The following CDH18 variants were observed in gnomAD, a reference collection of about 807,000 sequenced individuals.
CDH18 encodes the protein cadherin 18.
CDH18 carries 31 observed loss-of-function variants against 67.9 expected under a neutral mutation model. The observed-to-expected ratio is 0.46, with a 90% confidence interval of 0.34 to 0.62. The LOEUF (loss-of-function observed/expected upper bound fraction) is 0.62. Among genes scored for constraint, CDH18 ranks in the 20% least tolerant of loss-of-function variants. CDH18 has a pLI of 0.01. For synonymous variants in CDH18, 362 were observed against 347.2 expected (o/e 1.04, Z -0.48); for missense variants, 890 against 975.5 (o/e 0.91, Z 1.17).
rs184222800 is a variant in CDH18 at position 19,518,338 on chromosome 5, G to A, written c.1512+2319C>T. On this transcript the variant is annotated intron_variant, in intron 10 of 12. Coordinates refer to ENST00000382275, the MANE Select transcript of CDH18 (RefSeq NM_004934.5). ...GGCTATCATTGCATTTTTAGTTTCT[G>A]TGTAACAAAATGCTACCTAAATATG... Among the ~76,000 whole-genome samples, 14 of 152,248 alleles carry A rather than the reference G, an allele frequency of 9.2e-5. No individual in the cohort carries two copies. In the East Asian group the frequency reaches 2.5e-3, roughly 27 times the overall value.
intron 2 of CDH18, among the ~76,000 whole-genome samples, chr5:20,030,589 C>T (rs1031712135): frequency 2.0e-5 from 3 of 151,920 alleles, no homozygotes; most frequent in Admixed American, 1.3e-4. Context: ...AAGCAGAAAA[C>T]AAAAGAGAAA....
chr5:19,785,791 G>A (rs1356708126), intron 3 of CDH18, among the ~76,000 whole-genome samples: 1 of 132,834 alleles, frequency 7.5e-6, no homozygotes, highest in Non-Finnish European at 1.6e-5. Flanking sequence ...ATTAAATAAG[G>A]TGACATATAA....
intron 2 of CDH18, among the ~76,000 whole-genome samples, chr5:19,873,853 G>T (rs965759199): frequency 6.6e-6 from 1 of 151,940 alleles, no homozygotes; most frequent in Non-Finnish European, 1.5e-5. Flanking sequence ...TCACCATGTT[G>T]CCCAGGCAGG....
intron 3 of CDH18, among the ~76,000 whole-genome samples, chr5:19,808,101 G>T (rs1358933576): frequency 1.3e-5 from 2 of 151,984 alleles, no homozygotes. Context: ...GACTAAGTTA[G>T]TATACTATTA....
intron 1 of CDH18, among the ~76,000 whole-genome samples, chr5:20,548,112 T>C (rs1490254218): frequency 3.3e-5 from 5 of 151,266 alleles, no homozygotes; most frequent in African/African-American, 1.2e-4. Flanking sequence ...TTAAATTAGG[T>C]CACCAACTAA....
intron 3 of CDH18, among the ~76,000 whole-genome samples, chr5:19,767,573 A>G (rs555296856): frequency 6.6e-6 from 1 of 152,248 alleles, no homozygotes; most frequent in Non-Finnish European, 1.5e-5. Context: ...GAGAAATTAA[A>G]ACAGAATAAT....
chr5:20,363,625 T>C (rs1454220209), intron 1 of CDH18, among the ~76,000 whole-genome samples: 1 of 152,052 alleles, frequency 6.6e-6, no homozygotes, highest in Non-Finnish European at 1.5e-5. Context: ...TACAGTGGCA[T>C]CAGAACACTG....
In CDH18 at chr5:19,473,479, A is replaced by G; in HGVS notation, c.2120T>C (p.Leu707Pro). 1 of 1,613,766 alleles carries G rather than the reference A, an allele frequency of 6.2e-7. No individual in the cohort carries two copies. The highest frequency in any genetic ancestry group is 8.5e-7 in the Non-Finnish European group (1 of 1,179,858). ...AAATTCCTGAACATCTATGCTTTCC[A>G]GGGTGGATGATGTCTGGTGTCTGGG... is the stretch of plus-strand genomic sequence containing the variant. ...LTPRHQTSST[L>P]ESIDVQEFIK... The change falls in exon 13 of 13, where the codon CTG becomes CCG. Residue 707 changes from leucine (L) to proline (P), a missense_variant. By Grantham distance (98) the Leu-to-Pro change is moderately conservative. Coordinates refer to ENST00000382275, the MANE Select transcript of CDH18 (RefSeq NM_004934.5).
At chr5:20,193,375 G>T (rs890089116) in intron 2 of CDH18, among the ~76,000 whole-genome samples, 3 of 151,968 alleles carry the variant, frequency 2.0e-5, no homozygotes, top group Non-Finnish European at 4.4e-5. Flanking sequence ...ACCCCATCCA[G>T]ACTAAACCAG....
At chr5:19,703,727 C>T (rs113406875) in intron 5 of CDH18, among the ~76,000 whole-genome samples, 1 of 151,746 alleles carries the variant, frequency 6.6e-6, no homozygotes, top group African/African-American at 2.4e-5. Context: ...CCCTGCCCCC[C>T]CTGCCCCCCG....
At chr5:19,567,394 A>G (rs62349534) in intron 8 of CDH18, among the ~76,000 whole-genome samples, 11,307 of 152,194 alleles carry the variant, frequency 0.074, 462 homozygotes, top group African/African-American at 0.091. Flanking sequence ...CGAAGTCAGG[A>G]AGCTTTTCAC....
intron 1 of CDH18, chr5:20,255,572 A>G (rs1744169635): frequency 6.6e-6 from 1 of 152,096 alleles, no homozygotes; most frequent in South Asian, 2.1e-4. Context: ...TAATTAAAAC[A>G]TATTTATTAT....
chr5:19,596,831 A>C (rs1044082505), intron 6 of CDH18, among the ~76,000 whole-genome samples: 2 of 152,212 alleles, frequency 1.3e-5, no homozygotes, highest in African/African-American at 4.8e-5. Flanking sequence ...GAGTGCATTA[A>C]GATTAATATT....
At position 19,531,020 on chromosome 5, in the gene CDH18, G is replaced by A. The variant is rs111361967; in HGVS notation, c.1391-10242C>T. Among the ~76,000 whole-genome samples the A allele has an allele frequency of 5.5e-3, 836 of 152,258 alleles. 11 individuals carry two copies. Among genetic ancestry groups the A allele is most frequent in the African/African-American group, 0.019 (795 of 41,564 alleles). On this transcript the variant is annotated intron_variant, in intron 9 of 12. Transcript: ENST00000382275. ...TGAACCCGGTACCTCAGATGGAAAT[G>A]CAGAAATCACCTGTCTTCTGCATCG...
chr5:20,072,254 C>T (rs964423715), intron 2 of CDH18, among the ~76,000 whole-genome samples: 1 of 152,046 alleles, frequency 6.6e-6, no homozygotes, highest in African/African-American at 2.4e-5. Flanking sequence ...GAAACCTTCT[C>T]TGCCACATTA....
intron 1 of CDH18, among the ~76,000 whole-genome samples, chr5:20,470,131 G>T (rs1362756964): frequency 1.3e-5 from 2 of 152,012 alleles, no homozygotes; most frequent in African/African-American, 4.8e-5. Context: ...CATGCCACTG[G>T]GAAGTGCATG....
At chr5:19,777,969 C>A (rs1774591675) in intron 3 of CDH18, among the ~76,000 whole-genome samples, 1 of 151,992 alleles carries the variant, frequency 6.6e-6, no homozygotes, top group South Asian at 2.1e-4. Context: ...TAGCTTTATG[C>A]TAATAAATTC....
intron 2 of CDH18, among the ~76,000 whole-genome samples, chr5:20,217,037 C>T (rs1740836188): frequency 6.6e-6 from 1 of 151,544 alleles, no homozygotes; most frequent in Non-Finnish European, 1.5e-5. Flanking sequence ...ATAGTATATC[C>T]AGAGAAAACA....
At chr5:20,159,264 T>C (rs2126604573) in intron 2 of CDH18, among the ~76,000 whole-genome samples, 1 of 151,854 alleles carries the variant, frequency 6.6e-6, no homozygotes. Context: ...AAGTCGGGAG[T>C]TTGGAGGATG....
Sources: gnomAD v4.1 joint callset for allele counts (sites outside exome capture counted in the v4.1 genomes callset) on GRCh38, gnomAD v4.1.1 for gene constraint, MANE v1.5 for transcripts, NCBI Gene and HGNC (gene_info 2026-07-23, HGNC 2026-07-21) for gene names.